MRPL20: variants seen among roughly 807,000 people sequenced by gnomAD.
MRPL20 encodes mitochondrial ribosomal protein L20, also known as large ribosomal subunit protein bL20m.
Under a neutral mutation model 20.0 loss-of-function variants are expected in MRPL20, and 21 were observed. The observed-to-expected ratio is 1.05, with a 90% CI of 0.74 to 1.51. The LOEUF (loss-of-function observed/expected upper bound fraction) is 1.51, where lower values mean the gene tolerates loss of function less well. Ranked by LOEUF, MRPL20 falls within the 40% of genes most tolerant of loss-of-function variation. The pLI, the probability that MRPL20 is intolerant of heterozygous loss-of-function variation, is 0.00. For missense variants in MRPL20, 252 were observed against 185.6 expected (o/e 1.36, Z -2.08); for synonymous variants, 104 against 73.0 (o/e 1.43, Z -2.17).
At chr1:1,403,972 G>C (rs993174551) in intron 3 of MRPL20, among the ~76,000 whole-genome samples, 11 of 152,052 alleles carry the variant, frequency 7.2e-5, no homozygotes, top group African/African-American at 2.4e-4. Context: ...CTCCCGAGTA[G>C]CATACAGGCG....
chr1:1,402,657 G>A, intron 3 of MRPL20: 1 of 980,412 alleles, frequency 1.0e-6, no homozygotes, highest in Non-Finnish European at 1.2e-6. Context: ...AGTTTAAGGA[G>A]TAGAAAAGGG....
Position 1,407,235 on chromosome 1 carries a change from G to A in MRPL20, c.-18C>T. The A allele has an allele frequency of 3.2e-6, 5 of 1,577,980 alleles. No individual in the cohort carries two copies. The highest frequency in any genetic ancestry group is 2.3e-5 in the South Asian group (2 of 87,698). ...AAGACCATGGCGCCTGCAGGCCGGCGTCCCGAACACTCAACAACGCACGCG... is the reference window on the plus strand; with the variant it reads ...AAGACCATGGCGCCTGCAGGCCGGCATCCCGAACACTCAACAACGCACGCG... On this transcript the variant is annotated 5_prime_UTR_variant, in exon 1 of 4. In the 5' UTR this introduces an upstream ATG that the reference lacks. Coordinates refer to ENST00000344843, the MANE Select transcript of MRPL20 (RefSeq NM_017971.4).
At chr1:1,405,696 C>T in intron 3 of MRPL20, 113 bp downstream of exon 3, 2 of 1,571,212 alleles carry the variant, frequency 1.3e-6, no homozygotes, top group Non-Finnish European at 1.8e-6. Context: ...CTCCAGGGAT[C>T]CTCTGGCCTC....
intron 3 of MRPL20, among the ~76,000 whole-genome samples, chr1:1,403,511 G>C (rs1201731206): frequency 6.6e-6 from 1 of 151,916 alleles, no homozygotes; most frequent in African/African-American, 2.4e-5. Context: ...CAAAGTGCTG[G>C]GATTACAGGC....
In MRPL20 at chr1:1,405,896, G is replaced by GA; in HGVS notation, c.199-11dup. 1 of 1,604,046 alleles carries GA rather than the reference G, an allele frequency of 6.2e-7. No homozygotes were observed. Among genetic ancestry groups the GA allele is most frequent in the Non-Finnish European group, 8.5e-7 (1 of 1,172,674 alleles). ...TTCGATTAATCCAGAGCTGAAATAA[G>GA]AAAACATGAAGATACTTAAAAATGA... On this transcript the variant is annotated splice_polypyrimidine_tract_variant and intron_variant, in intron 2 of 3. Transcript: ENST00000344843.
chr1:1,407,251 A>AGGTTGGGAG lies in MRPL20; in HGVS notation c.-35_-34insCTCCCAACC. 6.5e-7 allele frequency: 1 copy of AGGTTGGGAG among 1,538,002 alleles called. No homozygotes were observed. On this transcript the variant is annotated 5_prime_UTR_variant, in exon 1 of 4. Transcript: ENST00000344843. The stretch of plus-strand genomic sequence containing the variant: ...CAGGCCGGCGTCCCGAACACTCAAC[A>AGGTTGGGAG]ACGCACGCGCAGCGCCGCTGCCATC...
In MRPL20 at chr1:1,405,820, T is replaced by A. The variant is rs773277952; in HGVS notation, c.265A>T (p.Asn89Tyr). ...HGLKYPALIG[N>Y]LVKCQVELNR... ...ATACTCACCCATACCTTAACTAAAT[T>A]CCCAATGAGCGCTGGATACTTCAGT... Residue 89 changes from asparagine (N) to tyrosine (Y), a missense_variant, in exon 3 of 4, where the codon AAT (asparagine) becomes TAT (tyrosine). Coordinates refer to ENST00000344843, the MANE Select transcript of MRPL20 (RefSeq NM_017971.4). The A allele has an allele frequency of 6.2e-6, 10 of 1,613,852 alleles. No individual in the cohort carries two copies. The highest frequency in any genetic ancestry group is 8.5e-6 in the Non-Finnish European group (10 of 1,180,000).
chr1:1,402,720 C>T (rs868364579), intron 3 of MRPL20: 10 of 774,708 alleles, frequency 1.3e-5, no homozygotes, highest in South Asian at 5.9e-5. Flanking sequence ...CACGGTGTCT[C>T]GCCTGTAATC....
At position 1,402,055 on chromosome 1, in the gene MRPL20, C is replaced by G. The variant is rs1645335196; in HGVS notation, c.*28G>C. On this transcript the variant is annotated 3_prime_UTR_variant, in exon 4 of 4. Transcript: ENST00000344843. The stretch of plus-strand genomic sequence containing the variant: ...AAACAAACTGCAAATTACTCTGTCT[C>G]TTTTCCTAATCAATACAGCAACAGT... The G allele has an allele frequency of 6.3e-7, 1 of 1,586,168 alleles. No individual in the cohort carries two copies. Among genetic ancestry groups the G allele is most frequent in the Non-Finnish European group, 8.6e-7 (1 of 1,167,292 alleles).
At chr1:1,404,389 T>C (rs1055962242) in intron 3 of MRPL20, among the ~76,000 whole-genome samples, 3 of 150,728 alleles carry the variant, frequency 2.0e-5, no homozygotes, top group African/African-American at 2.4e-5. Context: ...CTCCTGACCT[T>C]GTGATCCACC....
At position 1,405,890 on chromosome 1, in the gene MRPL20, A is replaced by C. The variant is rs1457385072; in HGVS notation, c.199-4T>G. 2 of 1,605,360 alleles carry C rather than the reference A, an allele frequency of 1.2e-6. No homozygotes were observed. Among genetic ancestry groups the C allele is most frequent in the Admixed American group, 1.7e-5 (1 of 59,380 alleles). The stretch of plus-strand genomic sequence containing the variant: ...CTGTAATTCGATTAATCCAGAGCTG[A>C]AATAAGAAAACATGAAGATACTTAA... On this transcript the variant is annotated splice_region_variant and splice_polypyrimidine_tract_variant and intron_variant, in intron 2 of 3. Coordinates refer to ENST00000344843, the MANE Select transcript of MRPL20 (RefSeq NM_017971.4).
chr1:1,407,028 G>A lies in MRPL20; in HGVS notation c.88-9C>T, dbSNP rs896923740. 6.2e-7 allele frequency: 1 copy of A among 1,612,986 alleles called. No homozygotes were observed. On this transcript the variant is annotated splice_polypyrimidine_tract_variant and intron_variant, in intron 1 of 3. Coordinates refer to ENST00000344843, the MANE Select transcript of MRPL20 (RefSeq NM_017971.4). ...TTCCTTCCCCGGAAGTGCTGGGACA[G>A]AAAACGAGAAACCAGGGTTGTCAGC... is the stretch of plus-strand genomic sequence containing the variant.
intron 3 of MRPL20, 66 bp downstream of exon 3, chr1:1,405,743 C>T (rs777600715): frequency 6.2e-7 from 1 of 1,613,964 alleles, no homozygotes; most frequent in Non-Finnish European, 8.5e-7. Context: ...GAAGCACCAC[C>T]ACGCCCCGCA....
rs1336246468 is a variant in MRPL20, at chr1:1,402,175, C to T, written c.358G>A (p.Ala120Thr). The change falls in exon 4 of 4, where the codon GCC becomes ACC. Residue 120 changes from alanine to threonine, a missense_variant. Transcript: ENST00000344843. ...AATCCTTCGTGTCGCCTCCTACTGG[C>T]CAAGGCAGCCAAAGATTTGAAAGTC... Reference protein sequence around the residue: ...PKTFKSLAALASRRRHEGFAA... With the variant: ...PKTFKSLAALTSRRRHEGFAA... 6.2e-7 allele frequency: 1 copy of T among 1,614,120 alleles called. No individual in the cohort carries two copies. Among genetic ancestry groups the T allele is most frequent in the Non-Finnish European group, 8.5e-7 (1 of 1,180,032 alleles).
chr1:1,407,045 G>T (rs1305222967), intron 1 of MRPL20, 26 bp from the exon 2 acceptor site: 11 of 1,611,252 alleles, frequency 6.8e-6, no homozygotes, highest in Non-Finnish European at 8.5e-6. Context: ...AGAAACCAGG[G>T]TTGTCAGCGG....
intron 3 of MRPL20, chr1:1,402,674 T>A (rs1645343352): frequency 1.0e-6 from 1 of 954,526 alleles, no homozygotes; most frequent in African/African-American, 1.8e-5. Flanking sequence ...AGGGGGGCCG[T>A]CTCTTTGAGC....
In MRPL20 at chr1:1,407,026, C is replaced by G. The variant is rs1179623511; in HGVS notation, c.88-7G>C. The stretch of plus-strand genomic sequence containing the variant: ...TTTTCCTTCCCCGGAAGTGCTGGGA[C>G]AGAAAACGAGAAACCAGGGTTGTCA... On this transcript the variant is annotated splice_polypyrimidine_tract_variant and splice_region_variant and intron_variant, in intron 1 of 3. Coordinates refer to ENST00000344843, the MANE Select transcript of MRPL20 (RefSeq NM_017971.4). 1.9e-6 allele frequency: 3 copies of G among 1,613,178 alleles called. No homozygotes were observed. The highest frequency in any genetic ancestry group is 2.5e-6 in the Non-Finnish European group (3 of 1,179,176).
intron 2 of MRPL20, chr1:1,406,410 T>C (rs576721900): frequency 1.7e-5 from 3 of 171,576 alleles, no homozygotes; most frequent in Admixed American, 5.8e-5. Context: ...GAGACGGGAG[T>C]GGTGAGGCGC....
chr1:1,402,404 C>T, intron 3 of MRPL20, 148 bp from the exon 4 acceptor site: 37 of 1,396,776 alleles, frequency 2.6e-5, no homozygotes, highest in Non-Finnish European at 3.4e-5. Flanking sequence ...GGTGGCACAG[C>T]AGAGGACTTC....
Sources: allele counts gnomAD v4.1 joint callset (sites outside exome capture counted in the v4.1 genomes callset), GRCh38; gene constraint gnomAD v4.1.1; transcripts MANE v1.5; gene names NCBI Gene and HGNC (gene_info 2026-07-23, HGNC 2026-07-21).